SLC71A2: variants seen among roughly 807,000 people sequenced by gnomAD.
The protein encoded by SLC71A2 is solute carrier family 71 member 2.
At chr9:94,389,711 A>T in the SLC71A2 span, among the ~76,000 whole-genome samples, 1 of 151,856 alleles carries the variant, frequency 6.6e-6, no homozygotes, top group Non-Finnish European at 1.5e-5. Flanking sequence ...GGCTTAAGTG[A>T]TTCTCTCACC....
the SLC71A2 span, among the ~76,000 whole-genome samples, chr9:94,381,003 A>T: frequency 1.8e-5 from 2 of 113,216 alleles, no homozygotes; most frequent in Admixed American, 9.3e-5. Flanking sequence ...TAATTTATCT[A>T]CTCTGTCACT....
At chr9:94,401,950 C>T in the SLC71A2 span, among the ~76,000 whole-genome samples, 2 of 152,140 alleles carry the variant, frequency 1.3e-5, no homozygotes, top group Non-Finnish European at 1.5e-5. Flanking sequence ...ATGCCTCCCC[C>T]TTTTAGACCT....
the SLC71A2 span, among the ~76,000 whole-genome samples, chr9:94,384,055 T>G: frequency 6.6e-6 from 1 of 152,212 alleles, no homozygotes; most frequent in African/African-American, 2.4e-5. Context: ...AGTGTAGACT[T>G]CAGTAGTGTA....
At chr9:94,454,318 C>T in the SLC71A2 span, among the ~76,000 whole-genome samples, 1 of 152,102 alleles carries the variant, frequency 6.6e-6, no homozygotes, top group Admixed American at 6.6e-5. Context: ...CTCTCTCTTC[C>T]CTCCAGCCCC....
chr9:94,455,421 C>T, the SLC71A2 span, among the ~76,000 whole-genome samples: 1 of 119,866 alleles, frequency 8.3e-6, no homozygotes, highest in Non-Finnish European at 1.6e-5. Flanking sequence ...TCTCATGTTG[C>T]CCATGCTGGT....
At chr9:94,421,255 T>G in the SLC71A2 span, among the ~76,000 whole-genome samples, 3 of 152,134 alleles carry the variant, frequency 2.0e-5, no homozygotes, top group African/African-American at 4.8e-5. Flanking sequence ...GGAAGTATAA[T>G]GTGTACAGAA....
At chr9:94,374,856 GC>G in the SLC71A2 span, 1 of 967,382 alleles carries the variant, frequency 1.0e-6, no homozygotes, top group Non-Finnish European at 1.3e-6. Context: ...GGAGGAGAAG[GC>G]GGCGTCGGAG....
the SLC71A2 span, among the ~76,000 whole-genome samples, chr9:94,387,465 T>G: frequency 2.6e-5 from 4 of 152,152 alleles, no homozygotes; most frequent in Non-Finnish European, 5.9e-5. Flanking sequence ...CTAATCAATG[T>G]TCTAAGGAAT....
the SLC71A2 span, among the ~76,000 whole-genome samples, chr9:94,434,903 A>G: frequency 6.6e-6 from 1 of 152,214 alleles, no homozygotes; most frequent in African/African-American, 2.4e-5. Flanking sequence ...TGCTTCCAGC[A>G]TCCAAACTCT....
chr9:94,389,517 G>T, the SLC71A2 span, among the ~76,000 whole-genome samples: 2 of 151,188 alleles, frequency 1.3e-5, no homozygotes. Flanking sequence ...GACCTCAAGT[G>T]TTCTGCCCGC....
the SLC71A2 span, among the ~76,000 whole-genome samples, chr9:94,410,403 TA>T: frequency 9.2e-6 from 1 of 108,826 alleles, no homozygotes; most frequent in African/African-American, 3.6e-5. Context: ...GCACTGGGCC[TA>T]TTTTTTTCCC....
At chr9:94,439,298 T>G in the SLC71A2 span, among the ~76,000 whole-genome samples, 2 of 142,634 alleles carry the variant, frequency 1.4e-5, no homozygotes, top group Non-Finnish European at 3.0e-5. Context: ...TGAGCCACAG[T>G]GCGCAGCCCA....
At chr9:94,450,714 C>G in the SLC71A2 span, among the ~76,000 whole-genome samples, 1 of 152,088 alleles carries the variant, frequency 6.6e-6, no homozygotes, top group African/African-American at 2.4e-5. Flanking sequence ...TGGTCTCGAA[C>G]TGCTGACCTG....
At chr9:94,426,949 CT>C in the SLC71A2 span, among the ~76,000 whole-genome samples, 1 of 152,222 alleles carries the variant, frequency 6.6e-6, no homozygotes, top group Non-Finnish European at 1.5e-5. Flanking sequence ...AATCTTCCCA[CT>C]TCAGCTTCCT....
the SLC71A2 span, among the ~76,000 whole-genome samples, chr9:94,401,947 C>T: frequency 6.6e-6 from 1 of 152,176 alleles, no homozygotes; most frequent in East Asian, 1.9e-4. Context: ...TTCATGCCTC[C>T]CCCTTTTAGA....
At chr9:94,444,039 C>T in the SLC71A2 span, among the ~76,000 whole-genome samples, 2 of 151,834 alleles carry the variant, frequency 1.3e-5, no homozygotes, top group African/African-American at 2.4e-5. Context: ...TTTTTTAATT[C>T]AGTTGGGAGA....
chr9:94,447,074 T>C, the SLC71A2 span: 2 of 547,732 alleles, frequency 3.7e-6, no homozygotes, highest in Non-Finnish European at 6.5e-6. Context: ...GGTGCTGGCA[T>C]ATAATTAGTA....
the SLC71A2 span, chr9:94,459,848 T>C: frequency 6.0e-6 from 1 of 166,938 alleles, no homozygotes; most frequent in East Asian, 1.6e-4. Flanking sequence ...TCTTAATTTC[T>C]ACCTTCCTGT....
chr9:94,455,413 T>G, the SLC71A2 span, among the ~76,000 whole-genome samples: 2 of 119,834 alleles, frequency 1.7e-5, no homozygotes, highest in Non-Finnish European at 3.3e-5. Flanking sequence ...AGACAAGGTC[T>G]CATGTTGCCC....
Sources: allele counts gnomAD v4.1 joint callset (sites outside exome capture counted in the v4.1 genomes callset), GRCh38; gene constraint gnomAD v4.1.1; transcripts MANE v1.5; gene names NCBI Gene and HGNC (gene_info 2026-07-23, HGNC 2026-07-21).